The following EEF1AKMT1 variants were observed in gnomAD, a reference collection of about 807,000 sequenced individuals.
EEF1AKMT1 encodes the protein N-6 adenine-specific DNA methyltransferase 2 (putative).
A neutral mutation model predicts 21.0 loss-of-function variants in EEF1AKMT1; 18 were observed. The ratio of observed to expected loss-of-function variants is 0.86; its 90% confidence interval spans 0.59 to 1.27. The LOEUF is 1.27. EEF1AKMT1 is among the 50% of genes most tolerant of loss of function. The pLI, the probability that EEF1AKMT1 is intolerant of heterozygous loss-of-function variation, is 0.00. For missense variants in EEF1AKMT1, 246 were observed against 258.6 expected, an observed-to-expected ratio of 0.95 and a Z score of 0.33; for synonymous variants, 109 against 94.8, an observed-to-expected ratio of 1.15 and a Z score of -0.87.
chr13:20,745,542 T>C (rs754119610), intron 2 of EEF1AKMT1, among the ~76,000 whole-genome samples: 1 of 152,134 alleles, frequency 6.6e-6, no homozygotes, highest in Non-Finnish European at 1.5e-5. Flanking sequence ...TATGGAATGG[T>C]TCTAAATCAC....
At chr13:20,763,065 T>C (rs1326013252) in intron 1 of EEF1AKMT1, among the ~76,000 whole-genome samples, 4 of 152,192 alleles carry the variant, frequency 2.6e-5, no homozygotes, top group Non-Finnish European at 2.9e-5. Context: ...TTGCTGAGGA[T>C]TTCGTCACCT....
At chr13:20,738,582 C>T (rs539387684) in intron 2 of EEF1AKMT1, among the ~76,000 whole-genome samples, 6 of 152,310 alleles carry the variant, frequency 3.9e-5, no homozygotes, top group African/African-American at 1.2e-4. Context: ...GTGGAAACAA[C>T]TCAAGTGCCC....
At position 20,773,925 on chromosome 13, in the gene EEF1AKMT1, C is replaced by T. The variant is rs1566542264; in HGVS notation, c.-24G>A. The T allele has an allele frequency of 6.6e-6, 1 of 152,488 alleles. No homozygotes were observed. Among genetic ancestry groups the T allele is most frequent in the Admixed American group, 6.5e-5 (1 of 15,296 alleles). 9.4% of individuals were successfully genotyped at this position (152,488 alleles called of 1,614,324 possible). ...GCGCCCGAACCCGCCACTCACCAGC[C>T]GCGCGTGCGCAGTCGCCCAGACTCG... On this transcript the variant is annotated 5_prime_UTR_variant, in exon 1 of 5. Transcript: ENST00000382758.
intron 1 of EEF1AKMT1, among the ~76,000 whole-genome samples, chr13:20,772,183 T>C (rs1361795037): frequency 6.6e-6 from 1 of 152,172 alleles, no homozygotes; most frequent in East Asian, 1.9e-4. Flanking sequence ...TTTTTCTGGC[T>C]ACTCTGGGCA....
At chr13:20,762,620 C>T (rs1235494570) in intron 1 of EEF1AKMT1, among the ~76,000 whole-genome samples, 1 of 152,088 alleles carries the variant, frequency 6.6e-6, no homozygotes, top group East Asian at 1.9e-4. Flanking sequence ...CTCAAGTGAT[C>T]TTTCCACCTC....
intron 1 of EEF1AKMT1, among the ~76,000 whole-genome samples, chr13:20,767,585 T>C (rs1371569484): frequency 2.0e-5 from 3 of 152,086 alleles, no homozygotes; most frequent in South Asian, 4.1e-4. Context: ...CTTTCTTTTC[T>C]AATGGTTTTT....
At chr13:20,748,727 T>G (rs868682939) in intron 2 of EEF1AKMT1, among the ~76,000 whole-genome samples, 1 of 10,820 alleles carries the variant, frequency 9.2e-5, no homozygotes, top group African/African-American at 1.6e-4. Flanking sequence ...TTTTTTTTGG[T>G]TTTTTTTTTT....
chr13:20,742,306 G>A (rs1389488776), intron 2 of EEF1AKMT1, among the ~76,000 whole-genome samples: 1 of 150,812 alleles, frequency 6.6e-6, no homozygotes, highest in Non-Finnish European at 1.5e-5. Flanking sequence ...TTTTCCACTG[G>A]GTTTACTGTT....
intron 3 of EEF1AKMT1, among the ~76,000 whole-genome samples, chr13:20,734,573 TTTTATTA>T (rs2058815611): frequency 8.2e-6 from 1 of 121,482 alleles, no homozygotes; most frequent in South Asian, 3.3e-4. Flanking sequence ...TTCATCTTTA[TTTTATTA>T]TTTATTTATT....
chr13:20,752,766 A>G (rs1328292397), intron 2 of EEF1AKMT1, among the ~76,000 whole-genome samples: 1 of 152,096 alleles, frequency 6.6e-6, no homozygotes, highest in Non-Finnish European at 1.5e-5. Context: ...CAGTAAAGTC[A>G]TCTGGTCCTG....
chr13:20,755,257 G>A (rs1209749615), intron 2 of EEF1AKMT1, among the ~76,000 whole-genome samples: 1 of 152,208 alleles, frequency 6.6e-6, no homozygotes, highest in Non-Finnish European at 1.5e-5. Flanking sequence ...GAAGTCAATG[G>A]GGCTCCAGAG....
rs1162261622 is a variant in EEF1AKMT1 at position 20,757,240 on chromosome 13, G to A, written c.144+215C>T. The A allele has an allele frequency of 1.5e-5, 6 of 412,060 alleles. No homozygotes were observed. The Admixed American group carries it at 2.1e-4, about 14-fold the overall frequency. 25.5% of individuals were successfully genotyped at this position (412,060 alleles called of 1,614,324 possible). A position where few individuals can be genotyped will look rare whatever the true frequency, so the allele number is the denominator to read the frequency against. ...CTTCTGATCACCAACCAGCCTGATA[G>A]TCAGAATCAAGAACAGCTGTTCAAG... On this transcript the variant is annotated intron_variant, in intron 2 of 4. Transcript: ENST00000382758.
chr13:20,741,593 A>G (rs1239704307), intron 2 of EEF1AKMT1, among the ~76,000 whole-genome samples: 1 of 150,384 alleles, frequency 6.6e-6, no homozygotes, highest in Non-Finnish European at 1.5e-5. Flanking sequence ...AGTAGCTGGG[A>G]TTACAGGTGC....
At chr13:20,743,629 A>G (rs1243248026) in intron 2 of EEF1AKMT1, among the ~76,000 whole-genome samples, 1 of 126,424 alleles carries the variant, frequency 7.9e-6, no homozygotes, top group Non-Finnish European at 1.7e-5. Flanking sequence ...GCAGTGTTTT[A>G]TTTATTGTTA....
intron 1 of EEF1AKMT1, among the ~76,000 whole-genome samples, chr13:20,759,511 C>T (rs539303029): frequency 2.3e-3 from 355 of 151,634 alleles, no homozygotes; most frequent in Non-Finnish European, 4.3e-3. Context: ...ACCTGGGAGG[C>T]GGAGCTTGCA....
chr13:20,751,822 T>C (rs9506549), intron 2 of EEF1AKMT1, among the ~76,000 whole-genome samples: 57,240 of 152,102 alleles, frequency 0.38, 12,664 homozygotes, highest in Non-Finnish European at 0.5. Context: ...TCAATTTCTT[T>C]CCTCAGAGTT....
chr13:20,739,089 G>C (rs563848628), intron 2 of EEF1AKMT1, among the ~76,000 whole-genome samples: 2 of 152,138 alleles, frequency 1.3e-5, no homozygotes, highest in African/African-American at 2.4e-5. Context: ...GGCTTCAGGA[G>C]TGAAGCTGCA....
At chr13:20,773,393 A>G (rs936251172) in intron 1 of EEF1AKMT1, among the ~76,000 whole-genome samples, 2 of 151,672 alleles carry the variant, frequency 1.3e-5, no homozygotes, top group African/African-American at 4.8e-5. Context: ...GTCCTAGTCT[A>G]CTCCACCTCG....
At chr13:20,739,685 A>G (rs1255622636) in intron 2 of EEF1AKMT1, among the ~76,000 whole-genome samples, 2 of 152,188 alleles carry the variant, frequency 1.3e-5, no homozygotes, top group Non-Finnish European at 2.9e-5. Context: ...GTGAGTTTAC[A>G]ATCCTTTAGC....
Sources: allele counts gnomAD v4.1 joint callset (sites outside exome capture counted in the v4.1 genomes callset), GRCh38; gene constraint gnomAD v4.1.1; transcripts MANE v1.5; gene names NCBI Gene and HGNC (gene_info 2026-07-23, HGNC 2026-07-21).